SETD1A: variants seen among roughly 807,000 people sequenced by gnomAD.
SETD1A encodes histone-lysine N-methyltransferase SETD1A.
SETD1A carries 29 observed loss-of-function variants against 149.9 expected under a neutral mutation model. The observed-to-expected ratio is 0.19, with a 90% CI of 0.14 to 0.26. The LOEUF (loss-of-function observed/expected upper bound fraction) is 0.26. SETD1A is among the 10% of genes least tolerant of loss of function. SETD1A has a pLI of 1.00. For synonymous variants in SETD1A, 1,141 were observed against 968.5 expected, an observed-to-expected ratio of 1.18 and a Z score of -3.31; for missense variants, 2,109 against 2,353.1, an observed-to-expected ratio of 0.90 and a Z score of 2.15.
At chr16:30,974,454 G>A (rs1016263922) in intron 13 of SETD1A, among the ~76,000 whole-genome samples, 5 of 152,272 alleles carry the variant, frequency 3.3e-5, no homozygotes, top group East Asian at 1.9e-4. Flanking sequence ...AGCAGGGCCC[G>A]AGGAGGCTGA....
Position 30,972,118 on chromosome 16 carries a change from C to T in SETD1A, c.3358+399C>T, listed in dbSNP as rs567339067. 2.6e-5 allele frequency among the ~76,000 whole-genome samples: 4 copies of T among 152,314 alleles called. No individual in the cohort carries two copies. The East Asian group carries it at 7.7e-4, about 29-fold the overall frequency. On this transcript the variant is annotated intron_variant, in intron 13 of 18. Coordinates refer to ENST00000262519, the MANE Select transcript of SETD1A (RefSeq NM_014712.3). ...TATTAACATAACACAGAACTTGGTC[C>T]TAGCTGCTTTTCTTTGTTCATTTGT...
Position 30,966,145 on chromosome 16 carries a change from C to T in SETD1A, c.2264C>T (p.Ala755Val). 1.2e-6 allele frequency: 2 copies of T among 1,604,636 alleles called. No individual in the cohort carries two copies. Among genetic ancestry groups the T allele is most frequent in the South Asian group, 2.2e-5 (2 of 90,234 alleles). Residue 755 changes from alanine to valine, a missense_variant, in exon 8 of 19, where the codon GCA (alanine) becomes GTA (valine). Ala to Val is a moderately conservative substitution (Grantham distance 64). Coordinates refer to ENST00000262519, the MANE Select transcript of SETD1A (RefSeq NM_014712.3). ...GCCTACCACCTGCCCATGCCAATGG[C>T]AGCCGAGCCCCTGCCCTCCTCCTCA... ...REAYHLPMPM[A>V]AEPLPSSSVS...
At chr16:30,973,583 A>AGGT (rs952740063) in intron 13 of SETD1A, among the ~76,000 whole-genome samples, 1 of 152,094 alleles carries the variant, frequency 6.6e-6, no homozygotes, top group Non-Finnish European at 1.5e-5. Context: ...TGAACCCGGG[A>AGGT]GGTGGATGTT....
intron 13 of SETD1A, among the ~76,000 whole-genome samples, chr16:30,972,638 CAA>C (rs34067658): frequency 6.2e-4 from 74 of 118,894 alleles, no homozygotes; most frequent in Admixed American, 6.9e-4. Context: ...GACTCTGTCT[CAA>C]AAAAAAAAAA....
chr16:30,963,407 A>G (rs763581644), intron 4 of SETD1A, 26 bp from the exon 5 acceptor site: 30 of 1,579,880 alleles, frequency 1.9e-5, no homozygotes, highest in Middle Eastern at 1.7e-4. Flanking sequence ...CCATCTGACA[A>G]TTGGTTCCCA....
At chr16:30,958,373 G>A (rs1484866874) in intron 1 of SETD1A, 16 of 205,618 alleles carry the variant, frequency 7.8e-5, no homozygotes, top group Non-Finnish European at 1.4e-4. Flanking sequence ...GCTCGGCCCG[G>A]GCCGCTGGCC....
chr16:30,967,859 C>T (rs1348309449), intron 10 of SETD1A, among the ~76,000 whole-genome samples: 1 of 152,104 alleles, frequency 6.6e-6, no homozygotes, highest in Non-Finnish European at 1.5e-5. Flanking sequence ...CACAGAATTC[C>T]GAGTTAAACG....
Position 30,971,294 on chromosome 16 carries a change from C to A in SETD1A, c.3017-84C>A, listed in dbSNP as rs911860489. The A allele has an allele frequency of 4.3e-6, 6 of 1,387,390 alleles. No individual in the cohort carries two copies. In the Admixed American group the frequency reaches 1.3e-4, roughly 31 times the overall value. The allele number at this position is 1,387,390 out of a possible 1,614,324, so 85.9% of individuals were successfully genotyped here. A position where few individuals can be genotyped will look rare whatever the true frequency, so the allele number is the denominator to read the frequency against. On this transcript the variant is annotated intron_variant, in intron 12 of 18. Coordinates refer to ENST00000262519, the MANE Select transcript of SETD1A (RefSeq NM_014712.3). Reference sequence around the variant, plus strand: ...CCGTCCCTAGCCCAGAGCCCAGCATCCACAGCAGGGAGTGAGTGAGGAGCC... The same window carrying A: ...CCGTCCCTAGCCCAGAGCCCAGCATACACAGCAGGGAGTGAGTGAGGAGCC...
At chr16:30,958,934 C>G in intron 2 of SETD1A, 53 bp downstream of exon 2, 4 of 1,603,710 alleles carry the variant, frequency 2.5e-6, no homozygotes, top group Non-Finnish European at 3.4e-6. Context: ...CGCCCGTCCT[C>G]TGTGATTCTG....
chr16:30,963,548 T>C lies in SETD1A; in HGVS notation c.633T>C (p.Thr211=), dbSNP rs752110248. ...SEKFQGSGAA[T]ETAESRRRSS... ...AGTTCCAAGGCTCGGGTGCAGCCAC[T>C]GAGACGGTGAGAAGTTTGTGGCTAC... is the stretch of plus-strand genomic sequence containing the variant. The change falls in exon 5 of 19, where the codon ACT becomes ACC. Residue 211 remains threonine (T), a synonymous_variant. Transcript: ENST00000262519. 6.2e-7 allele frequency: 1 copy of C among 1,611,980 alleles called. No homozygotes were observed. The highest frequency in any genetic ancestry group is 8.5e-7 in the Non-Finnish European group (1 of 1,178,988).
Position 30,964,186 on chromosome 16 carries a change from C to G in SETD1A, c.732C>G (p.Ser244=). ...CTCCTGGCAACGGCACCCCCTGCTC[C>G]CAGGACACAAGCTTCTCCAGCAGCC... The part of the protein sequence containing the change: ...VGTPGNGTPC[S]QDTSFSSSRQ... The change falls in exon 6 of 19, where the codon TCC becomes TCG. Residue 244 remains serine (S), a synonymous_variant. Transcript: ENST00000262519. The G allele has an allele frequency of 6.2e-7, 1 of 1,614,108 alleles. No individual in the cohort carries two copies. The highest frequency in any genetic ancestry group is 8.5e-7 in the Non-Finnish European group (1 of 1,179,994).
In SETD1A at chr16:30,969,444, G is replaced by A. The variant is rs1259393526; in HGVS notation, c.2910G>A (p.Gln970=). ...ACAGCGAAGGGGAGGAGGCATCCCAGGAGTCCTCCTCGGAGAAGGTGAGGG... is the reference window on the plus strand; with the variant it reads ...ACAGCGAAGGGGAGGAGGCATCCCAAGAGTCCTCCTCGGAGAAGGTGAGGG... The part of the protein sequence containing the change: ...ALDSEGEEAS[Q]ESSSEKDEED... The change falls in exon 11 of 19, where the codon CAG becomes CAA. Residue 970 remains glutamine (Q), a synonymous_variant. Transcript: ENST00000262519. 17 of 1,612,312 alleles carry A rather than the reference G, an allele frequency of 1.1e-5. No homozygotes were observed. The South Asian group carries it at 1.3e-4, about 13-fold the overall frequency.
At position 30,971,477 on chromosome 16, in the gene SETD1A, C is replaced by G. The variant is rs373172979; in HGVS notation, c.3116C>G (p.Ser1039Cys). The G allele has an allele frequency of 6.2e-7, 1 of 1,614,092 alleles. No homozygotes were observed. The highest frequency in any genetic ancestry group is 2.2e-5 in the East Asian group (1 of 44,876). Reference protein sequence around the residue: ...STSDSESSSSSSSSSSSSSSS... With the variant: ...STSDSESSSSCSSSSSSSSSS... ...TCAGACTCCGAGAGCAGCAGCTCTT[C>G]CAGCTCCTCATCCTCCTCCTCCTCC... Residue 1039 changes from serine to cysteine, a missense_variant, in exon 13 of 19, where the codon TCC becomes TGC. By Grantham distance (112) the Ser-to-Cys change is moderately radical. This residue lies in a region of SETD1A where 832 missense variants were observed against 815.6 expected (regional missense o/e 1.02). Coordinates refer to ENST00000262519, the MANE Select transcript of SETD1A (RefSeq NM_014712.3).
intron 4 of SETD1A, among the ~76,000 whole-genome samples, chr16:30,962,030 A>G (rs901895506): frequency 2.0e-5 from 3 of 150,830 alleles, no homozygotes; most frequent in African/African-American, 7.3e-5. Context: ...ATTTGCAGAG[A>G]TGAAGTCTCA....
chr16:30,980,368 G>A lies in SETD1A; in HGVS notation c.4409-117G>A, dbSNP rs2056356071. ...CATTTCTGGCAGGAACGATGGGGCT[G>A]GGGCTTCCTCCCCTGTCCCTCACCT... On this transcript the variant is annotated intron_variant, in intron 14 of 18. Coordinates refer to ENST00000262519, the MANE Select transcript of SETD1A (RefSeq NM_014712.3). This position sits in a 1 kb window ranked among gnomAD's most constrained non-coding sequence, Gnocchi z 7.7. 1 of 1,457,580 alleles carries A rather than the reference G, an allele frequency of 6.9e-7. No homozygotes were observed. The highest frequency in any genetic ancestry group is 1.4e-5 in the African/African-American group (1 of 70,588). 90.3% of individuals were successfully genotyped at this position (1,457,580 alleles called of 1,614,324 possible). A position where few individuals can be genotyped will look rare whatever the true frequency, so the allele number is the denominator to read the frequency against.
intron 1 of SETD1A, 74 bp from the exon 2 acceptor site, chr16:30,958,643 T>G (rs893994992): frequency 8.3e-6 from 11 of 1,321,080 alleles, no homozygotes; most frequent in African/African-American, 1.4e-5. Flanking sequence ...GAATCGGGGC[T>G]AGCCAATGAG....
At position 30,961,704 on chromosome 16, in the gene SETD1A, T is replaced by G. The variant is rs899006614; in HGVS notation, c.517+167T>G. On this transcript the variant is annotated intron_variant, in intron 4 of 18. Transcript: ENST00000262519. The surrounding 1 kb of genome is among the most constrained non-coding windows in gnomAD (Gnocchi z 4.0). ...TTAGAGTGGAATTATGGTACATGGA[T>G]TTTTGTGTGTGTGGTGTCTCCAGCA... Among the ~76,000 whole-genome samples the G allele has an allele frequency of 2.6e-5, 4 of 152,044 alleles. No individual in the cohort carries two copies. Among genetic ancestry groups the G allele is most frequent in the Non-Finnish European group, 5.9e-5 (4 of 68,024 alleles).
chr16:30,965,485 A>C (rs1424368299), intron 7 of SETD1A, 24 bp downstream of exon 7: 4 of 1,583,928 alleles, frequency 2.5e-6, no homozygotes, highest in Non-Finnish European at 3.4e-6. Context: ...CAGCCAGAGG[A>C]GGCACCTGGG....
At position 30,983,779 on chromosome 16, in the gene SETD1A, C is replaced by T. The variant is rs2056416236; in HGVS notation, c.4950+7C>T. 1.2e-6 allele frequency: 2 copies of T among 1,613,646 alleles called. No homozygotes were observed. The highest frequency in any genetic ancestry group is 1.7e-6 in the Non-Finnish European group (2 of 1,179,772). On this transcript the variant is annotated splice_region_variant and intron_variant, in intron 18 of 18. Coordinates refer to ENST00000262519, the MANE Select transcript of SETD1A (RefSeq NM_014712.3). The surrounding 1 kb of genome is among the most constrained non-coding windows in gnomAD (Gnocchi z 6.8). The stretch of plus-strand genomic sequence containing the variant: ...CATCAACCACTGCTGCACGGTGCGC[C>T]AGGGGCCAGCCGGGGCAGGAGTTGG...
Sources: gnomAD v4.1 joint callset for allele counts (sites outside exome capture counted in the v4.1 genomes callset) on GRCh38, gnomAD v4.1.1 for gene constraint, gnomAD v4.1.1 regional missense constraint, Gnocchi (gnomAD v3.1) non-coding constraint, MANE v1.5 for transcripts, NCBI Gene and HGNC (gene_info 2026-07-23, HGNC 2026-07-21) for gene names.